TULP3: variants seen among roughly 807,000 people sequenced by gnomAD.
TULP3 encodes the protein tubby-related protein 3.
In TULP3, 38 loss-of-function variants were observed where a neutral mutation model predicts 50.7. The ratio of observed to expected loss-of-function variants is 0.75; its 90% CI spans 0.58 to 0.98. The LOEUF is 0.98. Ranked by LOEUF, TULP3 falls within the 50% of genes least tolerant of loss-of-function variation. TULP3 has a pLI of 0.00. For synonymous variants in TULP3, 183 were observed against 196.6 expected (o/e 0.93, Z 0.58); for missense variants, 550 against 568.0 (o/e 0.97, Z 0.32).
intron 4 of TULP3, among the ~76,000 whole-genome samples, chr12:2,924,033 T>A (rs1182239556): frequency 6.6e-6 from 1 of 152,148 alleles, no homozygotes; most frequent in East Asian, 1.9e-4. Flanking sequence ...GTACATACCA[T>A]ATCTGAGGCA....
chr12:2,891,169 T>A (rs1203706443), intron 1 of TULP3, among the ~76,000 whole-genome samples, 181 bp downstream of exon 1: 1 of 152,156 alleles, frequency 6.6e-6, no homozygotes, highest in Admixed American at 6.5e-5. Context: ...TGGGGACCCC[T>A]TTCTCAAGTG....
intron 1 of TULP3, among the ~76,000 whole-genome samples, chr12:2,900,278 C>T (rs2098178366): frequency 6.6e-6 from 1 of 152,162 alleles, no homozygotes; most frequent in Admixed American, 6.6e-5. Flanking sequence ...TAGATGGTCT[C>T]TGGACCGTAC....
At chr12:2,911,207 T>A (rs1009352380) in intron 2 of TULP3, among the ~76,000 whole-genome samples, 5 of 152,296 alleles carry the variant, frequency 3.3e-5, no homozygotes, top group East Asian at 1.9e-4. Context: ...CAATTTTTTT[T>A]AAATTATGTT....
In TULP3 at chr12:2,918,701, G is replaced by A. The variant is rs111265982; in HGVS notation, c.94-2062G>A. 2.2e-3 allele frequency among the ~76,000 whole-genome samples: 339 copies of A among 151,526 alleles called. 1 individual carries two copies. Among genetic ancestry groups the A allele is most frequent in the African/African-American group, 7.5e-3 (309 of 41,310 alleles). On this transcript the variant is annotated intron_variant, in intron 2 of 10. Coordinates refer to ENST00000448120, the MANE Select transcript of TULP3 (RefSeq NM_003324.5). ...ATTACAGGCATGCGCCGCCACATCC[G>A]GCTAATTTTTGTGTTTTTAGTAGAG...
intron 1 of TULP3, among the ~76,000 whole-genome samples, chr12:2,896,452 A>G (rs1016142153): frequency 1.3e-5 from 2 of 152,184 alleles, no homozygotes; most frequent in Non-Finnish European, 2.9e-5. Flanking sequence ...GACCATTTTA[A>G]TACACGTGTT....
At chr12:2,920,148 T>C (rs1183649752) in intron 2 of TULP3, among the ~76,000 whole-genome samples, 1 of 152,196 alleles carries the variant, frequency 6.6e-6, no homozygotes, top group Non-Finnish European at 1.5e-5. Context: ...TTTGTATGTT[T>C]TGAGCTTGTG....
intron 2 of TULP3, among the ~76,000 whole-genome samples, chr12:2,918,348 G>C (rs1442801716): frequency 6.6e-6 from 1 of 151,800 alleles, no homozygotes; most frequent in Non-Finnish European, 1.5e-5. Flanking sequence ...CTGACCTCAG[G>C]TAATCCGCCC....
intron 1 of TULP3, among the ~76,000 whole-genome samples, chr12:2,898,237 T>A (rs1224752539): frequency 6.6e-6 from 1 of 152,198 alleles, no homozygotes; most frequent in African/African-American, 2.4e-5. Flanking sequence ...TAAGTTGTAC[T>A]GGGAACTGTG....
rs1459029453 is a variant in TULP3, at chr12:2,940,636, C to G, written c.*1192C>G. 6.4e-7 allele frequency: 1 copy of G among 1,551,734 alleles called. No homozygotes were observed. Among genetic ancestry groups the G allele is most frequent in the Admixed American group, 2.0e-5 (1 of 50,994 alleles). On this transcript the variant is annotated 3_prime_UTR_variant, in exon 11 of 11. Transcript: ENST00000448120. ...CTGTTTGCCAGCGTTGGGTGGGACA[C>G]CCGTGGCGGCTGCTCCCTCAGACCT... is the stretch of plus-strand genomic sequence containing the variant.
At chr12:2,923,270 C>G (rs928118310) in intron 4 of TULP3, among the ~76,000 whole-genome samples, 1 of 152,168 alleles carries the variant, frequency 6.6e-6, no homozygotes, top group African/African-American at 2.4e-5. Flanking sequence ...GCAAACATTG[C>G]TAGGTCCTGG....
At chr12:2,905,445 A>C (rs1188512306) in intron 1 of TULP3, among the ~76,000 whole-genome samples, 1 of 152,056 alleles carries the variant, frequency 6.6e-6, no homozygotes, top group African/African-American at 2.4e-5. Context: ...CCGCCTCCCA[A>C]AGTGTTGGGA....
Position 2,932,473 on chromosome 12 carries a change from G to A in TULP3, c.697-945G>A, listed in dbSNP as rs190060864. On this transcript the variant is annotated intron_variant, in intron 6 of 10. Coordinates refer to ENST00000448120, the MANE Select transcript of TULP3 (RefSeq NM_003324.5). ...CATGCACCTGTAGTTCCAGCTACTC[G>A]GGAGGCTGAGGCAGGAAAATCACTT... is the stretch of plus-strand genomic sequence containing the variant. Among the ~76,000 whole-genome samples, 147 of 151,878 alleles carry A rather than the reference G, an allele frequency of 9.7e-4. 1 individual carries two copies. Among genetic ancestry groups the A allele is most frequent in the Non-Finnish European group, 2.9e-4 (20 of 67,938 alleles).
chr12:2,934,885 A>G (rs1009876609), intron 8 of TULP3, among the ~76,000 whole-genome samples: 1 of 150,760 alleles, frequency 6.6e-6, no homozygotes, highest in Non-Finnish European at 1.5e-5. Context: ...TTTCCTATCT[A>G]GTTCATTCTC....
At chr12:2,899,824 C>T (rs915511098) in intron 1 of TULP3, among the ~76,000 whole-genome samples, 38 of 145,436 alleles carry the variant, frequency 2.6e-4, no homozygotes, top group African/African-American at 8.6e-4. Flanking sequence ...ACCCAGGAGG[C>T]GGAGCTTGCA....
At chr12:2,926,650 C>A (rs1028054897) in intron 4 of TULP3, among the ~76,000 whole-genome samples, 2 of 152,160 alleles carry the variant, frequency 1.3e-5, no homozygotes, top group African/African-American at 2.4e-5. Flanking sequence ...GCCGGTAATT[C>A]CAGCACTTTG....
chr12:2,917,088 T>A (rs1385014032), intron 2 of TULP3, among the ~76,000 whole-genome samples: 1 of 152,178 alleles, frequency 6.6e-6, no homozygotes, highest in Non-Finnish European at 1.5e-5. Context: ...CCCACACCAG[T>A]AAGTTTTAAA....
intron 1 of TULP3, among the ~76,000 whole-genome samples, chr12:2,907,469 C>T (rs112932887): frequency 2.0e-4 from 10 of 49,406 alleles, no homozygotes; most frequent in African/African-American, 3.2e-4. Context: ...AGTGAGACTC[C>T]GTCTCCAAAA....
intron 1 of TULP3, among the ~76,000 whole-genome samples, chr12:2,895,963 G>A (rs2098175359): frequency 6.9e-6 from 1 of 145,444 alleles, no homozygotes; most frequent in Non-Finnish European, 1.5e-5. Context: ...TTTTTGAGAC[G>A]GAGTCGCATC....
intron 4 of TULP3, among the ~76,000 whole-genome samples, chr12:2,929,334 G>A (rs890241629): frequency 2.0e-5 from 3 of 152,086 alleles, no homozygotes; most frequent in East Asian, 1.9e-4. Context: ...AAAAGAGTTC[G>A]GGTGTAATTC....
Sources: allele counts gnomAD v4.1 joint callset (sites outside exome capture counted in the v4.1 genomes callset), GRCh38; gene constraint gnomAD v4.1.1; transcripts MANE v1.5; gene names NCBI Gene and HGNC (gene_info 2026-07-23, HGNC 2026-07-21).